The following GRAP2 variants were observed in gnomAD, a reference collection of about 807,000 sequenced individuals.
GRAP2 encodes the protein GRB2-related adapter protein 2.
GRAP2 carries 31 observed loss-of-function variants against 43.5 expected under a neutral mutation model. The ratio of observed to expected loss-of-function variants is 0.71; its 90% CI spans 0.54 to 0.96. The LOEUF (loss-of-function observed/expected upper bound fraction) is 0.96, where lower values mean the gene tolerates loss of function less well. Among genes scored for constraint, GRAP2 ranks in the 40% least tolerant of loss-of-function variants. The pLI is 0.00. For synonymous variants in GRAP2, 156 were observed against 164.8 expected (o/e 0.95, Z 0.41); for missense variants, 371 against 424.4 (o/e 0.87, Z 1.11).
chr22:39,916,841 A>C (rs1359176525), intron 1 of GRAP2, among the ~76,000 whole-genome samples: 1 of 152,190 alleles, frequency 6.6e-6, no homozygotes, highest in African/African-American at 2.4e-5. Context: ...GTGGAGCAGA[A>C]ATGATTTATT....
At chr22:39,900,939 C>A, upstream of GRAP2, 4 of 241,424 alleles carry the variant, frequency 1.7e-5, no homozygotes, top group East Asian at 1.1e-4. Flanking sequence ...AAACTGAAAC[C>A]AAGCATAAAG....
intron 1 of GRAP2, among the ~76,000 whole-genome samples, chr22:39,938,898 C>T (rs990023636): frequency 3.9e-5 from 6 of 152,146 alleles, no homozygotes; most frequent in Admixed American, 2.6e-4. Flanking sequence ...GCAGCTCAGC[C>T]GCTGATGAAT....
chr22:39,895,292 C>T, the GRAP2 span, among the ~76,000 whole-genome samples: 1 of 152,154 alleles, frequency 6.6e-6, no homozygotes. Flanking sequence ...CCTACTACTT[C>T]AGTCATAATT....
intron 1 of GRAP2, among the ~76,000 whole-genome samples, chr22:39,921,413 G>A (rs2066650868): frequency 6.6e-6 from 1 of 152,244 alleles, no homozygotes; most frequent in African/African-American, 2.4e-5. Flanking sequence ...GATTCCGAAT[G>A]TGAGTTATCT....
chr22:39,898,413 A>G (rs1345967040), upstream of GRAP2, among the ~76,000 whole-genome samples: 1 of 152,244 alleles, frequency 6.6e-6, no homozygotes, highest in Non-Finnish European at 1.5e-5. Context: ...GTAGGTGTTC[A>G]AACTTTATTT....
chr22:39,925,430 C>T (rs1467622145), intron 1 of GRAP2, among the ~76,000 whole-genome samples: 1 of 152,166 alleles, frequency 6.6e-6, no homozygotes, highest in Non-Finnish European at 1.5e-5. Context: ...ATTCCTTTAG[C>T]ACCCCAGTTT....
chr22:39,931,316 G>T (rs1425369352), intron 1 of GRAP2, among the ~76,000 whole-genome samples: 2 of 152,186 alleles, frequency 1.3e-5, no homozygotes, highest in East Asian at 3.9e-4. Context: ...AAGAATCTGT[G>T]CAAGGAGTCA....
At chr22:39,934,030 C>T (rs1380829576) in intron 1 of GRAP2, among the ~76,000 whole-genome samples, 1 of 152,034 alleles carries the variant, frequency 6.6e-6, no homozygotes, top group East Asian at 1.9e-4. Context: ...AAGCAATTGC[C>T]GAAGAGGGAC....
Position 39,922,934 on chromosome 22 carries a change from C to T in GRAP2, c.-15+21604C>T, listed in dbSNP as rs548856705. ...GCATGCGCCTGTAGTCCCAGCTATTCGGGAGGCTGAGGCAGGAGAATTGCT... is the reference window on the plus strand; with the variant it reads ...GCATGCGCCTGTAGTCCCAGCTATTTGGGAGGCTGAGGCAGGAGAATTGCT... On this transcript the variant is annotated intron_variant, in intron 1 of 7. Coordinates refer to ENST00000344138, the MANE Select transcript of GRAP2 (RefSeq NM_004810.4). Among the ~76,000 whole-genome samples the T allele has an allele frequency of 1.8e-3, 270 of 151,728 alleles. 1 individual carries two copies. Among genetic ancestry groups the T allele is most frequent in the Non-Finnish European group, 3.2e-3 (217 of 67,954 alleles).
intron 1 of GRAP2, among the ~76,000 whole-genome samples, chr22:39,925,447 G>C (rs2145595334): frequency 6.6e-6 from 1 of 152,218 alleles, no homozygotes; most frequent in African/African-American, 2.4e-5. Flanking sequence ...GTTTGGACTT[G>C]GAGTGGGCCC....
upstream of GRAP2, among the ~76,000 whole-genome samples, chr22:39,898,825 TAAAACAAAAAAC>T (rs1419887307): frequency 6.6e-6 from 1 of 151,528 alleles, no homozygotes; most frequent in Non-Finnish European, 1.5e-5. Flanking sequence ...AAAAACAAAA[TAAAACAAAAAAC>T]AAAACAAAAC....
intron 1 of GRAP2, among the ~76,000 whole-genome samples, chr22:39,932,487 G>C (rs1379847698): frequency 6.9e-6 from 1 of 143,914 alleles, no homozygotes; most frequent in Non-Finnish European, 1.5e-5. Flanking sequence ...GAGGCAGGAG[G>C]ATCACTTGAG....
chr22:39,961,423 C>G (rs959415290), intron 4 of GRAP2, among the ~76,000 whole-genome samples: 1 of 152,150 alleles, frequency 6.6e-6, no homozygotes, highest in Admixed American at 6.5e-5. Flanking sequence ...TTCTGAGCCC[C>G]AACAAATACA....
intron 1 of GRAP2, among the ~76,000 whole-genome samples, chr22:39,938,325 A>G (rs1360485364): frequency 6.6e-6 from 1 of 152,230 alleles, no homozygotes; most frequent in African/African-American, 2.4e-5. Context: ...TTAAATAAGG[A>G]TATAAGGGAT....
intron 1 of GRAP2, among the ~76,000 whole-genome samples, chr22:39,943,434 T>C (rs1414080288): frequency 6.6e-6 from 1 of 152,234 alleles, no homozygotes; most frequent in African/African-American, 2.4e-5. Context: ...ATGCTGCTAA[T>C]GGCTATTGCG....
intron 4 of GRAP2, chr22:39,964,072 A>T: frequency 3.3e-6 from 1 of 298,710 alleles, no homozygotes; most frequent in East Asian, 7.5e-5. Context: ...ACCCTTTAAA[A>T]TTCTTGACCT....
At chr22:39,957,398 C>T (rs1260919708) in intron 3 of GRAP2, among the ~76,000 whole-genome samples, 1 of 152,182 alleles carries the variant, frequency 6.6e-6, no homozygotes, top group Non-Finnish European at 1.5e-5. Flanking sequence ...ATGAAAGCCA[C>T]CAGAAGTGAA....
intron 1 of GRAP2, chr22:39,946,872 A>G (rs2066927666): frequency 4.3e-6 from 2 of 465,314 alleles, no homozygotes; most frequent in Non-Finnish European, 7.7e-6. Flanking sequence ...TGCTCCTGGC[A>G]TCTGGGGATT....
intron 1 of GRAP2, among the ~76,000 whole-genome samples, chr22:39,908,913 G>C (rs2066540396): frequency 6.6e-6 from 1 of 152,210 alleles, no homozygotes; most frequent in Non-Finnish European, 1.5e-5. Flanking sequence ...CCAGTGATGA[G>C]AGTGACAGAG....
Sources: gnomAD v4.1 joint callset for allele counts (sites outside exome capture counted in the v4.1 genomes callset) on GRCh38, gnomAD v4.1.1 for gene constraint, MANE v1.5 for transcripts, NCBI Gene and HGNC (gene_info 2026-07-23, HGNC 2026-07-21) for gene names.